PDXDC1: variants seen among roughly 807,000 people sequenced by gnomAD.
PDXDC1 encodes the protein pyridoxal dependent decarboxylase domain containing 1.
PDXDC1 carries 42 observed loss-of-function variants against 100.1 expected under a neutral mutation model. That is an observed-to-expected ratio of 0.42 (90% CI 0.33 to 0.54). The LOEUF (loss-of-function observed/expected upper bound fraction) is 0.54, where lower values mean the gene tolerates loss of function less well. Among genes scored for constraint, PDXDC1 ranks in the 20% least tolerant of loss-of-function variants. The pLI, the probability that PDXDC1 is intolerant of heterozygous loss-of-function variation, is 0.10. For synonymous variants in PDXDC1, 260 were observed against 371.7 expected (o/e 0.70, Z 3.46); for missense variants, 636 against 979.2 (o/e 0.65, Z 4.68).
chr16:15,055,790 C>A (rs1186620966), intron 16 of PDXDC1: 2 of 623,836 alleles, frequency 3.2e-6, no homozygotes, highest in African/African-American at 3.8e-5. Context: ...GATGTGCCAA[C>A]AGCGCCAAGT....
chr16:15,125,795 G>C, intron 16 of PDXDC1: 1 of 1,353,246 alleles, frequency 7.4e-7, no homozygotes, highest in Non-Finnish European at 1.0e-6. Flanking sequence ...GTGGGGCTCG[G>C]GCTCCCAGCC....
At chr16:15,099,446 G>C (rs1438941453) in intron 16 of PDXDC1, among the ~76,000 whole-genome samples, 2 of 145,938 alleles carry the variant, frequency 1.4e-5, no homozygotes, top group Non-Finnish European at 3.0e-5. Context: ...AAAAAAAAAG[G>C]AGAAAAAGAA....
chr16:15,022,452 C>T (rs1292545957), intron 12 of PDXDC1, among the ~76,000 whole-genome samples: 1 of 152,294 alleles, frequency 6.6e-6, no homozygotes, highest in African/African-American at 2.4e-5. Context: ...GACAGACTTA[C>T]ATTGCAAATA....
intron 1 of PDXDC1, among the ~76,000 whole-genome samples, chr16:14,987,113 C>G (rs1460006244): frequency 1.3e-5 from 2 of 152,278 alleles, no homozygotes; most frequent in Non-Finnish European, 2.9e-5. Flanking sequence ...AAAAAATGCC[C>G]TGATCTGGAT....
At chr16:15,026,237 TA>T (rs1307066512) in intron 13 of PDXDC1, 1 of 216,564 alleles carries the variant, frequency 4.6e-6, no homozygotes, top group Non-Finnish European at 8.7e-6. Flanking sequence ...ACCCCATCTC[TA>T]AAAAAACCGT....
intron 1 of PDXDC1, among the ~76,000 whole-genome samples, chr16:14,994,543 C>T (rs971020703): frequency 2.0e-5 from 3 of 152,282 alleles, no homozygotes; most frequent in Non-Finnish European, 4.4e-5. Context: ...GTTACTGTAG[C>T]CTTGTAGTAT....
rs542461015 is a variant in PDXDC1 at position 15,098,659 on chromosome 16, A to T, written c.1400-40220A>T. Among the ~76,000 whole-genome samples, 7 of 151,818 alleles carry T rather than the reference A, an allele frequency of 4.6e-5. No individual in the cohort carries two copies. In the South Asian group the frequency reaches 1.5e-3, roughly 32 times the overall value. On this transcript the variant is annotated intron_variant, in intron 16 of 16. Coordinates refer to the PDXDC1 transcript ENST00000535621. ...TTTTGGAGGCCAAGGTGGGTGGATC[A>T]CCTGAGGTCGGGAGTTCGAGACCAG... is the stretch of plus-strand genomic sequence containing the variant.
chr16:15,060,055 G>C (rs930699642), intron 16 of PDXDC1: 1 of 245,070 alleles, frequency 4.1e-6, no homozygotes. Flanking sequence ...CCTTTTATTG[G>C]TATAAGAACG....
intron 16 of PDXDC1, chr16:15,074,973 G>A: frequency 8.8e-7 from 1 of 1,130,062 alleles, no homozygotes. Flanking sequence ...AAAGAGGCTG[G>A]GGAAAGCGGC....
chr16:15,028,335 C>T (rs1196400411), intron 14 of PDXDC1, among the ~76,000 whole-genome samples: 1 of 152,300 alleles, frequency 6.6e-6, no homozygotes, highest in Non-Finnish European at 1.5e-5. Context: ...GCCTTCCCTG[C>T]CTATCGTGCC....
chr16:15,131,643 C>G, intron 16 of PDXDC1: 1 of 1,591,154 alleles, frequency 6.3e-7, no homozygotes, highest in Non-Finnish European at 8.6e-7. Context: ...GCGATGGTGA[C>G]TCGGCTCCCA....
At chr16:15,083,805 C>T (rs1462206010) in intron 16 of PDXDC1, 2 of 440,502 alleles carry the variant, frequency 4.5e-6, no homozygotes, top group African/African-American at 2.1e-5. Flanking sequence ...CAACCTCCGC[C>T]TCCCAGGTTC....
chr16:14,989,710 G>T (rs1261813222), intron 1 of PDXDC1: 2 of 1,557,550 alleles, frequency 1.3e-6, no homozygotes, highest in South Asian at 1.2e-5. Flanking sequence ...CAACGCACGC[G>T]GCGCAGCAGC....
At chr16:15,137,892 A>G (rs2048400974) in intron 16 of PDXDC1, 1 of 989,324 alleles carries the variant, frequency 1.0e-6, no homozygotes, top group East Asian at 2.5e-5. Flanking sequence ...GCCAGGCCAC[A>G]GTCACACTCA....
chr16:15,125,343 C>T, intron 16 of PDXDC1: 1 of 731,960 alleles, frequency 1.4e-6, no homozygotes, highest in Non-Finnish European at 2.3e-6. Flanking sequence ...TGGCGCGGGT[C>T]AGCAAGGTAC....
chr16:15,033,225 CT>C, intron 18 of PDXDC1, 52 bp from the exon 19 acceptor site: 1 of 1,605,600 alleles, frequency 6.2e-7, no homozygotes, highest in Non-Finnish European at 8.5e-7. Flanking sequence ...AGGTCCACGT[CT>C]CACCCATGAC....
chr16:15,064,684 T>C (rs2044880365), intron 16 of PDXDC1, among the ~76,000 whole-genome samples: 1 of 152,166 alleles, frequency 6.6e-6, no homozygotes, highest in Admixed American at 6.5e-5. Flanking sequence ...TGGCTCCTAG[T>C]GAGGCAAAGA....
At position 15,086,524 on chromosome 16, in the gene PDXDC1, A is replaced by T; in HGVS notation, c.1400-52355A>T. 1.9e-6 allele frequency: 3 copies of T among 1,589,432 alleles called. No individual in the cohort carries two copies. The South Asian group carries it at 3.4e-5, about 18-fold the overall frequency. On this transcript the variant is annotated intron_variant, in intron 16 of 16. Coordinates refer to the PDXDC1 transcript ENST00000535621. ...CATAACAGAAATTTACAGCTATCTTATATCAATCATTTATCAAGAATAGGT... is the reference window on the plus strand; with the variant it reads ...CATAACAGAAATTTACAGCTATCTTTTATCAATCATTTATCAAGAATAGGT...
intron 16 of PDXDC1, chr16:15,094,924 G>T (rs1049664680): frequency 6.6e-6 from 1 of 152,076 alleles, no homozygotes; most frequent in Admixed American, 6.6e-5. Context: ...TGCAACCTCC[G>T]CCTCCCCAGT....
Sources: allele counts gnomAD v4.1 joint callset (sites outside exome capture counted in the v4.1 genomes callset), GRCh38; gene constraint gnomAD v4.1.1; transcripts MANE v1.5; gene names NCBI Gene and HGNC (gene_info 2026-07-23, HGNC 2026-07-21).